Variants in POLD3 observed in about 807,000 individuals in gnomAD.
POLD3 encodes the protein DNA polymerase delta subunit 3.
A neutral mutation model predicts 58.2 loss-of-function variants in POLD3; 19 were observed. That is an observed-to-expected ratio of 0.33 (90% CI 0.23 to 0.48). The LOEUF (loss-of-function observed/expected upper bound fraction) is 0.48, where lower values mean the gene tolerates loss of function less well. Ranked by LOEUF, POLD3 falls within the 20% of genes least tolerant of loss-of-function variation. POLD3 has a pLI of 0.99. For synonymous variants in POLD3, 172 were observed against 193.5 expected, an observed-to-expected ratio of 0.89 and a Z score of 0.92; for missense variants, 504 against 545.5, an observed-to-expected ratio of 0.92 and a Z score of 0.76.
chr11:74,649,466 A>G (rs2135192395), intron 4 of POLD3, among the ~76,000 whole-genome samples: 1 of 152,322 alleles, frequency 6.6e-6, no homozygotes, highest in Middle Eastern at 3.4e-3. Flanking sequence ...ACATTCTTGC[A>G]TATCATAAGT....
chr11:74,654,503 G>A (rs898188474), intron 4 of POLD3, among the ~76,000 whole-genome samples: 15 of 152,204 alleles, frequency 9.9e-5, no homozygotes, highest in African/African-American at 2.9e-4. Context: ...AGAGTAAGAA[G>A]CTCAGAAAAT....
chr11:74,624,382 T>C (rs1022780731), intron 7 of POLD3, among the ~76,000 whole-genome samples: 7 of 152,198 alleles, frequency 4.6e-5, no homozygotes, highest in African/African-American at 1.7e-4. Context: ...TATAAATAGA[T>C]TGCATTTTAC....
At chr11:74,598,169 TGTTA>T (rs1394970720) in intron 2 of POLD3, among the ~76,000 whole-genome samples, 3 of 152,178 alleles carry the variant, frequency 2.0e-5, no homozygotes, top group East Asian at 3.8e-4. Flanking sequence ...TCAGATTAGG[TGTTA>T]GTTCAAGCTA....
intron 4 of POLD3, among the ~76,000 whole-genome samples, chr11:74,662,725 C>T (rs2033219756): frequency 6.6e-6 from 1 of 152,154 alleles, no homozygotes; most frequent in African/African-American, 2.4e-5. Flanking sequence ...CCACAAGCTC[C>T]AAGCCCAGCA....
rs368873076 is a variant in POLD3 at position 74,636,396 on chromosome 11, T to TGGTAGGTA, written c.1198+125_1198+126insGGTAGGTA. 3.4e-3 allele frequency: 2,928 copies of TGGTAGGTA among 850,876 alleles called. 25 individuals are homozygous for TGGTAGGTA. The highest frequency in any genetic ancestry group is 0.013 in the Middle Eastern group (59 of 4,436). 52.7% of individuals were successfully genotyped at this position (850,876 alleles called of 1,614,324 possible). ...AATTTACATGTGAATCATGCCCAAG[T>TGGTAGGTA]GGTACTGATGCTGTTTGTCTATGGC... On this transcript the variant is annotated intron_variant, in intron 11 of 11. Coordinates refer to ENST00000263681, the MANE Select transcript of POLD3 (RefSeq NM_006591.3).
chr11:74,592,590 T>G lies in POLD3; in HGVS notation c.-69T>G. On this transcript the variant is annotated 5_prime_UTR_variant, in exon 1 of 12. Coordinates refer to ENST00000263681, the MANE Select transcript of POLD3 (RefSeq NM_006591.3). Reference sequence around the variant, plus strand: ...GGGACCTGGGAGGGAGCAAAGACGTTTCCCGCCGGCGGGAGCTGTGGCTGT... The same window carrying G: ...GGGACCTGGGAGGGAGCAAAGACGTGTCCCGCCGGCGGGAGCTGTGGCTGT... 1 of 1,585,432 alleles carries G rather than the reference T, an allele frequency of 6.3e-7. No individual in the cohort carries two copies. The highest frequency in any genetic ancestry group is 8.6e-7 in the Non-Finnish European group (1 of 1,159,058).
At position 74,618,571 on chromosome 11, in the gene POLD3, A is replaced by G. The variant is rs1414625563; in HGVS notation, c.427A>G (p.Arg143Gly). ...SAIQCAAAVP[R>G]APAESSSSSK... ...TATACAATGTGCAGCTGCCGTCCCT[A>G]GAGCTCCTGCTGAATCCTCTTCGTC... Residue 143 changes from arginine (R) to glycine (G), a missense_variant, in exon 6 of 12, where the codon AGA (arginine) becomes GGA (glycine). Physicochemically the swap from Arg to Gly is moderately radical, Grantham distance 125 (BLOSUM62 -2). This residue lies in a region of POLD3 where 119 missense variants were observed against 175.0 expected (regional missense o/e 0.68). Coordinates refer to ENST00000263681, the MANE Select transcript of POLD3 (RefSeq NM_006591.3). 5 of 1,613,486 alleles carry G rather than the reference A, an allele frequency of 3.1e-6. No homozygotes were observed. Among genetic ancestry groups the G allele is most frequent in the South Asian group, 1.1e-5 (1 of 91,072 alleles).
At chr11:74,644,478 A>G (rs72979233), downstream of POLD3, among the ~76,000 whole-genome samples, 30,387 of 152,150 alleles carry the variant, frequency 0.2, 3,600 homozygotes, top group East Asian at 0.34. Flanking sequence ...GGCACATTGT[A>G]CCCAAATGAC....
At chr11:74,657,953 T>A (rs753931020) in intron 4 of POLD3, among the ~76,000 whole-genome samples, 3 of 152,224 alleles carry the variant, frequency 2.0e-5, no homozygotes, top group Non-Finnish European at 2.9e-5. Flanking sequence ...TTTAAATATG[T>A]CATGCCACCC....
intron 11 of POLD3, 61 bp downstream of exon 11, chr11:74,636,336 A>G: frequency 6.5e-7 from 1 of 1,550,142 alleles, no homozygotes. Flanking sequence ...CAGAGGCACC[A>G]TAATCCCTTT....
At chr11:74,604,053 T>C (rs1659127858) in intron 2 of POLD3, among the ~76,000 whole-genome samples, 1 of 152,252 alleles carries the variant, frequency 6.6e-6, no homozygotes, top group African/African-American at 2.4e-5. Context: ...CATTCTGCAA[T>C]TCTGAACCGG....
rs763555985 is a variant in POLD3, at chr11:74,634,705, T to C, written c.1119+10T>C. 1.4e-6 allele frequency: 2 copies of C among 1,466,272 alleles called. No individual in the cohort carries two copies. The highest frequency in any genetic ancestry group is 2.3e-5 in the East Asian group (1 of 44,132). The allele number at this position is 1,466,272 out of a possible 1,614,324, so 90.8% of individuals were successfully genotyped here. On this transcript the variant is annotated intron_variant, in intron 10 of 11. Transcript: ENST00000263681. ...ACCTCCTTCTGTCAAGGTAAAATTA[T>C]ACTGGGATTCTTGCATGTCCATGCA... is the stretch of plus-strand genomic sequence containing the variant.
intron 4 of POLD3, among the ~76,000 whole-genome samples, chr11:74,657,408 T>G (rs959472451): frequency 1.3e-5 from 2 of 152,190 alleles, no homozygotes; most frequent in African/African-American, 4.8e-5. Flanking sequence ...TTCTTGCTTT[T>G]TATTTTTTGT....
chr11:74,609,283 T>A (rs917450809), intron 3 of POLD3, among the ~76,000 whole-genome samples: 23 of 147,082 alleles, frequency 1.6e-4, no homozygotes, highest in Admixed American at 7.5e-4. Context: ...AATTGATAGG[T>A]TCCCTCCTTT....
At chr11:74,660,012 G>A (rs1477524623) in intron 4 of POLD3, among the ~76,000 whole-genome samples, 1 of 152,172 alleles carries the variant, frequency 6.6e-6, no homozygotes, top group Admixed American at 6.5e-5. Flanking sequence ...AGACATACCC[G>A]AGACTGGGAA....
intron 4 of POLD3, among the ~76,000 whole-genome samples, chr11:74,650,569 T>C (rs1944933): frequency 0.4 from 61,153 of 152,052 alleles, 13,705 homozygotes; most frequent in Non-Finnish European, 0.51. Flanking sequence ...AAGAAGCCTC[T>C]CCCAATGATG....
intron 4 of POLD3, among the ~76,000 whole-genome samples, chr11:74,653,133 C>G (rs2033088411): frequency 6.6e-6 from 1 of 152,168 alleles, no homozygotes; most frequent in South Asian, 2.1e-4. Flanking sequence ...TCTGGAGTTT[C>G]ATATATATTA....
intron 11 of POLD3, 102 bp from the exon 12 acceptor site, chr11:74,640,462 T>C: frequency 7.3e-7 from 1 of 1,375,138 alleles, no homozygotes. Context: ...ATATTTGCCT[T>C]GATCAGAGTC....
At position 74,629,237 on chromosome 11, in the gene POLD3, C is replaced by T; in HGVS notation, c.920C>T (p.Ser307Phe). ...AACAGGGGGAAGCGAGTAGCATTAT[C>T]TGATGATGAGACAAAGGAAACTGAA... is the stretch of plus-strand genomic sequence containing the variant. Reference protein sequence around the residue: ...EKKRGKRVALSDDETKETENM... With the variant: ...EKKRGKRVALFDDETKETENM... Residue 307 changes from serine to phenylalanine, a missense_variant, in exon 9 of 12, where the codon TCT becomes TTT. Ser to Phe is a radical substitution (Grantham distance 155). This residue lies in a region of POLD3 where 385 missense variants were observed against 370.5 expected (regional missense o/e 1.04). Transcript: ENST00000263681. The T allele has an allele frequency of 1.9e-6, 3 of 1,602,982 alleles. No individual in the cohort carries two copies. The highest frequency in any genetic ancestry group is 1.7e-6 in the Non-Finnish European group (2 of 1,173,028).
Sources: allele counts gnomAD v4.1 joint callset (sites outside exome capture counted in the v4.1 genomes callset), GRCh38; gene constraint gnomAD v4.1.1; regional missense constraint gnomAD v4.1.1; transcripts MANE v1.5; gene names NCBI Gene and HGNC (gene_info 2026-07-23, HGNC 2026-07-21).